The following SCUBE2 variants were observed in gnomAD, a reference collection of about 807,000 sequenced individuals.
SCUBE2 encodes the protein signal peptide, CUB domain and EGF like domain containing 2.
In SCUBE2, 114 loss-of-function variants were observed where a neutral mutation model predicts 125.9. The ratio of observed to expected loss-of-function variants is 0.91; its 90% CI spans 0.78 to 1.06. The LOEUF (loss-of-function observed/expected upper bound fraction) is 1.06, where lower values mean the gene tolerates loss of function less well. Ranked by LOEUF, SCUBE2 falls within the 50% of genes least tolerant of loss-of-function variation. The pLI is 0.00. For synonymous variants in SCUBE2, 459 were observed against 492.9 expected (o/e 0.93, Z 0.91); for missense variants, 1,255 against 1,301.8 (o/e 0.96, Z 0.55).
intron 3 of SCUBE2, among the ~76,000 whole-genome samples, chr11:9,078,525 T>C (rs1861378668): frequency 1.3e-5 from 2 of 152,208 alleles, no homozygotes; most frequent in South Asian, 4.1e-4. Context: ...AAGCATTTAA[T>C]CAAAGGGCCA....
intron 16 of SCUBE2, among the ~76,000 whole-genome samples, chr11:9,043,905 C>T (rs1006912331): frequency 6.6e-6 from 1 of 151,594 alleles, no homozygotes; most frequent in African/African-American, 2.4e-5. Flanking sequence ...TTGGAAGCGA[C>T]ATGCATAGGC....
chr11:9,048,022 G>T lies in SCUBE2; in HGVS notation c.1716C>A (p.Ala572=). The T allele has an allele frequency of 6.2e-7, 1 of 1,614,156 alleles. No homozygotes were observed. The highest frequency in any genetic ancestry group is 8.5e-7 in the Non-Finnish European group (1 of 1,180,022). Residue 572 remains alanine, a synonymous_variant, in exon 15 of 23, where the codon GCC becomes GCA. Coordinates refer to ENST00000649792, the MANE Select transcript of SCUBE2 (RefSeq NM_001367977.2). ...TCSSGKQVPG[A]PGRPSTPKEM... ...CCTTAGGGGTGCTTGGTCGGCCAGG[G>T]GCTCCTGGGACTTGCTTGCCAGAGC...
chr11:9,074,191 C>T (rs975582098), intron 4 of SCUBE2, among the ~76,000 whole-genome samples: 3 of 152,166 alleles, frequency 2.0e-5, no homozygotes, highest in African/African-American at 4.8e-5. Flanking sequence ...GCTCCTGAGA[C>T]ATCTAGTCAT....
At chr11:9,063,084 A>C (rs779082866) in intron 7 of SCUBE2, among the ~76,000 whole-genome samples, 8 of 149,488 alleles carry the variant, frequency 5.4e-5, no homozygotes, top group Non-Finnish European at 1.0e-4. Context: ...TACTAAAAAT[A>C]CAAAAAAAAA....
chr11:9,044,789 C>A (rs1225362568), intron 16 of SCUBE2, among the ~76,000 whole-genome samples: 1 of 152,062 alleles, frequency 6.6e-6, no homozygotes, highest in South Asian at 2.1e-4. Flanking sequence ...TGGGGTTTTC[C>A]TATTTGTTGT....
chr11:9,025,209 G>C (rs1171917330), intron 21 of SCUBE2, among the ~76,000 whole-genome samples: 1 of 152,182 alleles, frequency 6.6e-6, no homozygotes, highest in Non-Finnish European at 1.5e-5. Context: ...GAAAAAGCCA[G>C]GACCAGAACT....
rs571352664 is a variant in SCUBE2, at chr11:9,077,662, G to A, written c.382+1722C>T. Among the ~76,000 whole-genome samples the A allele has an allele frequency of 1.2e-4, 18 of 152,196 alleles. 1 individual carries two copies. The highest frequency in any genetic ancestry group is 4.3e-4 in the African/African-American group (18 of 41,518). On this transcript the variant is annotated intron_variant, in intron 3 of 22. Transcript: ENST00000649792. ...TGTTGGGGAAGTGTCTATGTGTGCC[G>A]GTCCTACTCTTCCAAATGTACTTCA...
intron 13 of SCUBE2, 65 bp downstream of exon 13, chr11:9,052,680 AC>A: frequency 8.5e-7 from 1 of 1,173,186 alleles, no homozygotes; most frequent in Non-Finnish European, 1.2e-6. Flanking sequence ...CAAGAACAGC[AC>A]CCCGTGAATG....
chr11:9,075,771 G>A (rs569479613), intron 3 of SCUBE2, among the ~76,000 whole-genome samples: 2 of 152,354 alleles, frequency 1.3e-5, no homozygotes, highest in African/African-American at 4.8e-5. Context: ...CGCTAGTGGC[G>A]ACAGCACTGC....
intron 2 of SCUBE2, among the ~76,000 whole-genome samples, chr11:9,082,308 G>A (rs1286783743): frequency 6.6e-6 from 1 of 152,002 alleles, no homozygotes; most frequent in East Asian, 1.9e-4. Context: ...TGTTGATATT[G>A]TCTTTTGATG....
intron 3 of SCUBE2, among the ~76,000 whole-genome samples, chr11:9,076,535 G>A (rs1320331113): frequency 1.3e-5 from 2 of 151,862 alleles, no homozygotes; most frequent in Non-Finnish European, 2.9e-5. Context: ...ACAAGCAGGA[G>A]AGGATAGCAT....
At chr11:9,078,385 C>A (rs1564846933) in intron 3 of SCUBE2, among the ~76,000 whole-genome samples, 1 of 152,240 alleles carries the variant, frequency 6.6e-6, no homozygotes, top group Non-Finnish European at 1.5e-5. Context: ...CCAGGAGACA[C>A]TGAAGTGGGA....
intron 16 of SCUBE2, among the ~76,000 whole-genome samples, chr11:9,046,372 C>T (rs906947840): frequency 5.9e-5 from 9 of 152,120 alleles, no homozygotes; most frequent in Admixed American, 5.2e-4. Flanking sequence ...GCTCCTTATC[C>T]TTGGGCCTTT....
intron 21 of SCUBE2, among the ~76,000 whole-genome samples, chr11:9,025,263 A>C (rs1416301505): frequency 1.3e-5 from 2 of 152,244 alleles, no homozygotes; most frequent in African/African-American, 2.4e-5. Context: ...AAAAGCCACA[A>C]TCATCAGAAG....
At chr11:9,085,525 G>A (rs559089099) in intron 2 of SCUBE2, among the ~76,000 whole-genome samples, 70 of 152,156 alleles carry the variant, frequency 4.6e-4, no homozygotes, top group Non-Finnish European at 9.3e-4. Flanking sequence ...AGGAGATAGA[G>A]ACCATCCTGG....
chr11:9,066,679 G>A lies in SCUBE2; in HGVS notation c.760+18C>T. On this transcript the variant is annotated intron_variant, in intron 6 of 22. Transcript: ENST00000649792. ...AGGCTGGTGCAGACCCTCACTCAGT[G>A]TTGGGGTTGCCACTCACCAAGGCAG... The A allele has an allele frequency of 1.3e-6, 2 of 1,595,228 alleles. No individual in the cohort carries two copies. Among genetic ancestry groups the A allele is most frequent in the Non-Finnish European group, 1.7e-6 (2 of 1,162,892 alleles).
At chr11:9,060,915 T>C (rs1178266715) in intron 7 of SCUBE2, among the ~76,000 whole-genome samples, 2 of 152,124 alleles carry the variant, frequency 1.3e-5, no homozygotes, top group Non-Finnish European at 2.9e-5. Flanking sequence ...CCTTCTCCTT[T>C]CGATATGAGT....
intron 13 of SCUBE2, among the ~76,000 whole-genome samples, chr11:9,051,569 G>A (rs769865000): frequency 1.3e-5 from 2 of 152,158 alleles, no homozygotes; most frequent in Non-Finnish European, 2.9e-5. Context: ...TCCTCCCAGG[G>A]TCAGTCAGTC....
At chr11:9,021,737 A>G in intron 22 of SCUBE2, 139 bp downstream of exon 22, 5 of 541,338 alleles carry the variant, frequency 9.2e-6, no homozygotes, top group South Asian at 7.4e-5. Flanking sequence ...AAGTCTGGTG[A>G]AGGTATAAAA....
Sources: gnomAD v4.1 joint callset for allele counts (sites outside exome capture counted in the v4.1 genomes callset) on GRCh38, gnomAD v4.1.1 for gene constraint, MANE v1.5 for transcripts, NCBI Gene and HGNC (gene_info 2026-07-23, HGNC 2026-07-21) for gene names.